The following TRAK1 variants were observed in gnomAD, a reference collection of about 807,000 sequenced individuals.
TRAK1 encodes trafficking kinesin protein 1.
A neutral mutation model predicts 92.1 loss-of-function variants in TRAK1; 33 were observed. The observed-to-expected ratio is 0.36, with a 90% CI of 0.27 to 0.48. The LOEUF (loss-of-function observed/expected upper bound fraction) is 0.48, where lower values mean the gene tolerates loss of function less well. Among genes scored for constraint, TRAK1 ranks in the 20% least tolerant of loss-of-function variants. TRAK1 has a pLI of 0.99. For missense variants in TRAK1, 1,123 were observed against 1,257.9 expected, an observed-to-expected ratio of 0.89 and a Z score of 1.62; for synonymous variants, 521 against 517.3, an observed-to-expected ratio of 1.01 and a Z score of -0.10.
rs1395647025 is a variant in TRAK1 at position 42,223,730 on chromosome 3, T to TA, written c.2856dup (p.Arg953ThrfsTer43). The TA allele has an allele frequency of 3.7e-5, 59 of 1,602,638 alleles. No homozygotes were observed. Among genetic ancestry groups the TA allele is most frequent in the Non-Finnish European group, 5.0e-5 (59 of 1,171,122 alleles). On this transcript the variant is annotated frameshift_variant, in exon 16 of 16. Transcript: ENST00000327628. LOFTEE classifies it high-confidence loss of function. The surrounding 1 kb of genome is among the most constrained non-coding windows in gnomAD (Gnocchi z 6.1). ...GCTAAGCTCTCCAAACAAACTAGCT[T>TA]ACGGTGAGGACTGGAGGGGGGCCGG...
At position 42,125,515 on chromosome 3, in the gene TRAK1, G is replaced by A. The variant is rs748182696; in HGVS notation, c.187G>A (p.Gly63Ser). 32 of 1,614,186 alleles carry A rather than the reference G, an allele frequency of 2.0e-5. No individual in the cohort carries two copies. The South Asian group carries it at 2.1e-4, about 11-fold the overall frequency. The change falls in exon 2 of 16, where the codon GGT becomes AGT. Residue 63 changes from glycine (G) to serine (S), a missense_variant. Coordinates refer to ENST00000327628, the MANE Select transcript of TRAK1 (RefSeq NM_001042646.3). Reference sequence around the variant, plus strand: ...TAAGTTAAGAGCCGACACCATCTACGGTTATGACCACGACGACTGGCTCCA... The same window carrying A: ...TAAGTTAAGAGCCGACACCATCTACAGTTATGACCACGACGACTGGCTCCA... ...HYKLRADTIY[G>S]YDHDDWLHTP...
At position 42,131,548 on chromosome 3, in the gene TRAK1, C is replaced by T. The variant is rs543685419; in HGVS notation, c.286+5934C>T. On this transcript the variant is annotated intron_variant, in intron 2 of 15. Transcript: ENST00000327628. ...CCTGGCTAACATGGCGAAACTCCAT[C>T]TCTACTAAAAATACAAAAATTAGCC... 1.3e-4 allele frequency among the ~76,000 whole-genome samples: 20 copies of T among 151,946 alleles called. No individual in the cohort carries two copies. The East Asian group carries it at 3.7e-3, about 28-fold the overall frequency.
chr3:42,037,190 TGTA>T (rs746585216), intron 1 of TRAK1, among the ~76,000 whole-genome samples: 1 of 152,210 alleles, frequency 6.6e-6, no homozygotes, highest in Non-Finnish European at 1.5e-5. Flanking sequence ...GTGCTATTGT[TGTA>T]GTGTGATACC....
In TRAK1 at chr3:42,225,674, T is replaced by G. The variant is rs1394645080; in HGVS notation, c.*1937T>G. On this transcript the variant is annotated 3_prime_UTR_variant, in exon 16 of 16. Transcript: ENST00000327628. ...TAGTAAATAAATAAACGGTCAACAT[T>G]GTGCAACCACTACCAAAAAGTGTGT... 5 of 152,210 alleles carry G rather than the reference T, an allele frequency of 3.3e-5. No individual in the cohort carries two copies. The highest frequency in any genetic ancestry group is 3.3e-4 in the Admixed American group (5 of 15,288). 9.4% of individuals were successfully genotyped at this position (152,210 alleles called of 1,614,324 possible).
At chr3:42,102,633 G>A (rs921956664) in intron 1 of TRAK1, among the ~76,000 whole-genome samples, 1 of 152,206 alleles carries the variant, frequency 6.6e-6, no homozygotes, top group African/African-American at 2.4e-5. Context: ...TCTGTCTGCT[G>A]ATGGGGCTGT....
intron 1 of TRAK1, among the ~76,000 whole-genome samples, chr3:42,081,607 C>T (rs1468083913): frequency 6.6e-6 from 1 of 152,080 alleles, no homozygotes; most frequent in Admixed American, 6.5e-5. Context: ...GAGAGGCATT[C>T]CCCAAAATGT....
At chr3:42,020,382 T>C (rs1701681106) in intron 1 of TRAK1, among the ~76,000 whole-genome samples, 1 of 152,242 alleles carries the variant, frequency 6.6e-6, no homozygotes, top group African/African-American at 2.4e-5. Context: ...TGTTTTGGGC[T>C]TCATGTAAAT....
intron 1 of TRAK1, among the ~76,000 whole-genome samples, chr3:42,043,799 G>T (rs1702652255): frequency 6.7e-6 from 1 of 149,162 alleles, no homozygotes; most frequent in Non-Finnish European, 1.5e-5. Flanking sequence ...CTCCCCAGAG[G>T]GGGCACAGGT....
chr3:42,218,997 T>C (rs1268612009), intron 14 of TRAK1: 1 of 985,270 alleles, frequency 1.0e-6, no homozygotes. Context: ...CCTTTTTGTG[T>C]AAGCAGAAAG....
chr3:42,140,425 C>G (rs894892670), intron 2 of TRAK1, among the ~76,000 whole-genome samples: 1 of 152,076 alleles, frequency 6.6e-6, no homozygotes, highest in African/African-American at 2.4e-5. Flanking sequence ...GTCAGGAGAT[C>G]GAGACCATTC....
intron 3 of TRAK1, among the ~76,000 whole-genome samples, chr3:42,177,157 A>G (rs1432297424): frequency 1.3e-5 from 2 of 152,256 alleles, no homozygotes; most frequent in African/African-American, 2.4e-5. Context: ...TTGTAAGTAT[A>G]AAAAATCCTG....
chr3:42,110,052 T>C (rs770796595), intron 1 of TRAK1, among the ~76,000 whole-genome samples: 1 of 143,938 alleles, frequency 6.9e-6, no homozygotes, highest in Non-Finnish European at 1.5e-5. Context: ...TATACATATG[T>C]AGCAAACCTG....
At chr3:42,182,256 A>C (rs1313533969) in intron 3 of TRAK1, among the ~76,000 whole-genome samples, 2 of 151,118 alleles carry the variant, frequency 1.3e-5, no homozygotes, top group African/African-American at 4.9e-5. Context: ...CATGATGGGG[A>C]GGCACAAATT....
At chr3:42,212,025 C>T in intron 14 of TRAK1, 2 of 985,386 alleles carry the variant, frequency 2.0e-6, no homozygotes, top group Non-Finnish European at 2.4e-6. Context: ...AAACTGGCTT[C>T]AGAGGGGAGA....
At chr3:42,153,066 T>C (rs1700122714) in intron 2 of TRAK1, among the ~76,000 whole-genome samples, 1 of 152,060 alleles carries the variant, frequency 6.6e-6, no homozygotes, top group South Asian at 2.1e-4. Flanking sequence ...TTCTCAGAAA[T>C]AGTACTAGTT....
rs565835848 is a variant in TRAK1, at chr3:42,106,407, A to C, written c.91+14847A>C. On this transcript the variant is annotated intron_variant, in intron 1 of 15. Coordinates refer to ENST00000327628, the MANE Select transcript of TRAK1 (RefSeq NM_001042646.3). ...TCTGATAAAACAGACTTTAAACCAA[A>C]AAAGATCAAAAGAGACAAAGAAGGC... Among the ~76,000 whole-genome samples, 509 of 152,262 alleles carry C rather than the reference A, an allele frequency of 3.3e-3. 4 individuals are homozygous for C. Among genetic ancestry groups the C allele is most frequent in the African/African-American group, 0.011 (462 of 41,560 alleles).
intron 1 of TRAK1, among the ~76,000 whole-genome samples, chr3:42,115,394 A>T (rs4246669): frequency 2.6e-5 from 4 of 151,880 alleles, no homozygotes; most frequent in Non-Finnish European, 5.9e-5. Context: ...CGCCACATTC[A>T]GTTGCCCTTT....
At chr3:42,196,501 C>A (rs925629747) in intron 10 of TRAK1, among the ~76,000 whole-genome samples, 1 of 151,660 alleles carries the variant, frequency 6.6e-6, no homozygotes, top group Non-Finnish European at 1.5e-5. Flanking sequence ...CATTAGAAAT[C>A]ACAGGTATTT....
intron 15 of TRAK1, among the ~76,000 whole-genome samples, chr3:42,221,309 T>G (rs991766865): frequency 1.3e-5 from 2 of 152,066 alleles, no homozygotes; most frequent in Non-Finnish European, 2.9e-5. Context: ...TTGTTGTGGT[T>G]TCTAATCATG....
Sources: allele counts gnomAD v4.1 joint callset (sites outside exome capture counted in the v4.1 genomes callset), GRCh38; gene constraint gnomAD v4.1.1; non-coding constraint Gnocchi (gnomAD v3.1); transcripts MANE v1.5; gene names NCBI Gene and HGNC (gene_info 2026-07-23, HGNC 2026-07-21).